The following GGA2 variants were observed in gnomAD, a reference collection of about 807,000 sequenced individuals.
The protein encoded by GGA2 is ADP-ribosylation factor-binding protein GGA2.
A neutral mutation model predicts 79.5 loss-of-function variants in GGA2; 48 were observed. The observed-to-expected ratio is 0.60, with a 90% CI of 0.48 to 0.77. The LOEUF is 0.77. Among genes scored for constraint, GGA2 ranks in the 30% least tolerant of loss-of-function variants. The pLI is 0.00. For missense variants in GGA2, 770 were observed against 774.0 expected, an observed-to-expected ratio of 0.99 and a Z score of 0.06; for synonymous variants, 317 against 302.0, an observed-to-expected ratio of 1.05 and a Z score of -0.51.
At chr16:23,503,418 CT>C (rs1159851196) in intron 1 of GGA2, among the ~76,000 whole-genome samples, 2 of 152,048 alleles carry the variant, frequency 1.3e-5, no homozygotes, top group East Asian at 3.9e-4. Flanking sequence ...ATGATATTTT[CT>C]TTTTTATCTT....
chr16:23,523,003 T>C (rs1965165097), upstream of GGA2: 1 of 152,214 alleles, frequency 6.6e-6, no homozygotes. Flanking sequence ...TCCCCCAAAG[T>C]AAGCGATCAA....
intron 2 of GGA2, among the ~76,000 whole-genome samples, chr16:23,518,965 TA>T (rs1247659127): frequency 6.6e-6 from 1 of 150,628 alleles, no homozygotes. Flanking sequence ...AAGGCAAAAA[TA>T]AAGTAGGATA....
At chr16:23,474,804 A>C in intron 14 of GGA2, 100 bp downstream of exon 14, 1 of 925,958 alleles carries the variant, frequency 1.1e-6, no homozygotes, top group Non-Finnish European at 1.8e-6. Context: ...TATCAACCAA[A>C]TTTAAGGGCC....
At chr16:23,469,096 A>G in intron 15 of GGA2, 100 bp from the exon 16 acceptor site, 1 of 730,018 alleles carries the variant, frequency 1.4e-6, no homozygotes, top group East Asian at 2.6e-5. Flanking sequence ...CACCCCTCCA[A>G]GAGGAAATGG....
At chr16:23,508,665 T>C (rs3785408) in intron 1 of GGA2, among the ~76,000 whole-genome samples, 130,556 of 152,102 alleles carry the variant, frequency 0.86, 56,234 homozygotes, top group African/African-American at 0.91. Context: ...CACGCTCTCT[T>C]TCCAAACCTC....
At chr16:23,508,916 G>A (rs138528703) in intron 1 of GGA2, among the ~76,000 whole-genome samples, 87 of 152,182 alleles carry the variant, frequency 5.7e-4, no homozygotes, top group Middle Eastern at 6.8e-3. Context: ...CCGCGATCTA[G>A]CCTAGATTTC....
upstream of GGA2, among the ~76,000 whole-genome samples, chr16:23,514,941 T>C (rs1047531125): frequency 6.6e-6 from 1 of 152,104 alleles, no homozygotes; most frequent in Non-Finnish European, 1.5e-5. Flanking sequence ...GAATTTGTCT[T>C]TGTAATAGAT....
At chr16:23,474,240 C>A (rs1347065513) in intron 14 of GGA2, among the ~76,000 whole-genome samples, 2 of 152,220 alleles carry the variant, frequency 1.3e-5, no homozygotes, top group African/African-American at 4.8e-5. Flanking sequence ...TGAATCCCAA[C>A]CCAAATCAAC....
rs531110400 is a variant in GGA2, at chr16:23,502,399, C to T, written c.92-6621G>A. ...GTCTTGGGATTGTTAGGGGAGCTACCGAAGTGAAAACTGAATTTACCCACT... is the reference window on the plus strand; with the variant it reads ...GTCTTGGGATTGTTAGGGGAGCTACTGAAGTGAAAACTGAATTTACCCACT... On this transcript the variant is annotated intron_variant, in intron 1 of 16. Transcript: ENST00000309859. 3.3e-5 allele frequency among the ~76,000 whole-genome samples: 5 copies of T among 152,218 alleles called. No individual in the cohort carries two copies. In the East Asian group the frequency reaches 9.7e-4, roughly 29 times the overall value.
At position 23,501,115 on chromosome 16, in the gene GGA2, A is replaced by G. The variant is rs964935791; in HGVS notation, c.92-5337T>C. On this transcript the variant is annotated intron_variant, in intron 1 of 16. Coordinates refer to ENST00000309859, the MANE Select transcript of GGA2 (RefSeq NM_015044.4). ...AAGCCAATACACCCACTTTCACAAG[A>G]GAAGGTTCCAGGGAAATCCTTCGAG... 9 of 394,146 alleles carry G rather than the reference A, an allele frequency of 2.3e-5. No homozygotes were observed. In the East Asian group the frequency reaches 6.4e-4, roughly 28 times the overall value. 24.4% of individuals were successfully genotyped at this position (394,146 alleles called of 1,614,324 possible).
At chr16:23,473,989 T>C (rs532156682) in intron 14 of GGA2, among the ~76,000 whole-genome samples, 2 of 152,346 alleles carry the variant, frequency 1.3e-5, no homozygotes, top group South Asian at 4.1e-4. Context: ...GGCTCTGTGC[T>C]AAAGAGTCCA....
chr16:23,485,950 A>G (rs1964706064), intron 8 of GGA2, 65 bp downstream of exon 8: 2 of 1,451,168 alleles, frequency 1.4e-6, no homozygotes, highest in East Asian at 4.6e-5. Context: ...GGGTGCAAAC[A>G]GGTGAAAGCA....
At chr16:23,494,525 G>A (rs1401784703) in intron 2 of GGA2, 147 bp from the exon 3 acceptor site, 9 of 657,164 alleles carry the variant, frequency 1.4e-5, no homozygotes, top group African/African-American at 1.8e-5. Context: ...GGCCACGCGG[G>A]GGCCCTGGAG....
At position 23,465,231 on chromosome 16, in the gene GGA2, C is replaced by A. The variant is rs1177210329; in HGVS notation, c.*2359G>T. ...GAAATCCTGGGCTCAAGCGGTCATC[C>A]CACTCAGCCTCCCAAAATGCTGGGA... On this transcript the variant is annotated 3_prime_UTR_variant, in exon 17 of 17. Transcript: ENST00000309859. 6.1e-6 allele frequency: 4 copies of A among 654,626 alleles called. No individual in the cohort carries two copies. Among genetic ancestry groups the A allele is most frequent in the African/African-American group, 1.8e-5 (1 of 56,124 alleles). 40.6% of individuals were successfully genotyped at this position (654,626 alleles called of 1,614,324 possible).
At position 23,478,747 on chromosome 16, in the gene GGA2, G is replaced by T. The variant is rs754017225; in HGVS notation, c.1158+136C>A. On this transcript the variant is annotated intron_variant, in intron 12 of 16. Transcript: ENST00000309859. Reference sequence around the variant, plus strand: ...GCCAGACAGTATGGGTGAGGAAGAGGCTTTGGACCTCCAAGGCCATGATCC... The same window carrying T: ...GCCAGACAGTATGGGTGAGGAAGAGTCTTTGGACCTCCAAGGCCATGATCC... 23 of 767,884 alleles carry T rather than the reference G, an allele frequency of 3.0e-5. 1 individual carries two copies. Among genetic ancestry groups the T allele is most frequent in the South Asian group, 3.0e-4 (21 of 71,168 alleles). 47.6% of individuals were successfully genotyped at this position (767,884 alleles called of 1,614,324 possible).
At chr16:23,471,527 A>T (rs1964510920) in intron 14 of GGA2, among the ~76,000 whole-genome samples, 1 of 152,180 alleles carries the variant, frequency 6.6e-6, no homozygotes, top group African/African-American at 2.4e-5. Context: ...TTCAAAAATC[A>T]GGGCTGGCTC....
intron 13 of GGA2, 118 bp from the exon 14 acceptor site, chr16:23,475,179 T>A (rs1596977614): frequency 3.5e-6 from 2 of 577,276 alleles, no homozygotes; most frequent in South Asian, 2.2e-5. Flanking sequence ...CAGAGTTAGA[T>A]GTTATATGCC....
intron 13 of GGA2, 81 bp downstream of exon 13, chr16:23,478,287 C>G: frequency 9.3e-7 from 1 of 1,069,526 alleles, no homozygotes; most frequent in Non-Finnish European, 1.3e-6. Context: ...TCTTAGAGCA[C>G]CATTCTCTGG....
chr16:23,472,966 A>G, intron 14 of GGA2, among the ~76,000 whole-genome samples: 1 of 149,818 alleles, frequency 6.7e-6, no homozygotes, highest in Non-Finnish European at 1.5e-5. Flanking sequence ...CCAGGAGGTG[A>G]AGCTTGCAGT....
Sources: gnomAD v4.1 joint callset for allele counts (sites outside exome capture counted in the v4.1 genomes callset) on GRCh38, gnomAD v4.1.1 for gene constraint, MANE v1.5 for transcripts, NCBI Gene and HGNC (gene_info 2026-07-23, HGNC 2026-07-21) for gene names.